Variants in IPP observed in about 807,000 individuals in gnomAD.
IPP encodes the protein actin-binding protein IPP.
IPP carries 41 observed loss-of-function variants against 64.1 expected under a neutral mutation model. That is an observed-to-expected ratio of 0.64 (90% confidence interval 0.50 to 0.83). The LOEUF is 0.83. Ranked by LOEUF, IPP falls within the 40% of genes least tolerant of loss-of-function variation. The probability of loss-of-function intolerance (pLI) is 0.00; values close to 1 mark genes in which losing one functional copy is unlikely to be tolerated. For missense variants in IPP, 649 were observed against 703.0 expected, an observed-to-expected ratio of 0.92 and a Z score of 0.87; for synonymous variants, 214 against 235.2, an observed-to-expected ratio of 0.91 and a Z score of 0.83.
Position 45,741,116 on chromosome 1 carries a change from T to G in IPP, c.509A>C (p.His170Pro). Residue 170 changes from histidine (H) to proline (P), a missense_variant, in exon 3 of 9, where the codon CAT (histidine) becomes CCT (proline). By Grantham distance (77) the His-to-Pro change is moderately conservative (BLOSUM62 -2). Transcript: ENST00000396478. ...AAGTGCCAGGAACTCTTCTCCACTA[T>G]GAACCTCCAAGAAATGGACATGAAT... ...NYIHVHFLEV[H>P]SGEEFLALTK... 1 of 1,614,196 alleles carries G rather than the reference T, an allele frequency of 6.2e-7. No individual in the cohort carries two copies. Among genetic ancestry groups the G allele is most frequent in the South Asian group, 1.1e-5 (1 of 91,088 alleles).
At chr1:45,713,963 T>C (rs1645624638) in intron 8 of IPP, among the ~76,000 whole-genome samples, 1 of 151,848 alleles carries the variant, frequency 6.6e-6, no homozygotes, top group Non-Finnish European at 1.5e-5. Flanking sequence ...CAAGACCCTG[T>C]CTCTTAAAAA....
At chr1:45,747,118 G>A (rs905294564) in intron 1 of IPP, among the ~76,000 whole-genome samples, 4 of 149,864 alleles carry the variant, frequency 2.7e-5, no homozygotes, top group Non-Finnish European at 6.0e-5. Flanking sequence ...GCGCGCACAC[G>A]AGCGCGCGCG....
Position 45,741,132 on chromosome 1 carries a change from G to A in IPP, c.493C>T (p.His165Tyr), listed in dbSNP as rs775758891. The change falls in exon 3 of 9, where the codon CAT becomes TAT. Residue 165 changes from histidine (H) to tyrosine (Y), a missense_variant. Coordinates refer to ENST00000396478, the MANE Select transcript of IPP (RefSeq NM_005897.3). ...TCTCCACTATGAACCTCCAAGAAAT[G>A]GACATGAATGTAGTTTTCTGAGAAT... ...LEFSENYIHV[H>Y]FLEVHSGEEF... 1.9e-6 allele frequency: 3 copies of A among 1,613,942 alleles called. No individual in the cohort carries two copies. In the Admixed American group the frequency reaches 5.0e-5, roughly 27 times the overall value.
chr1:45,696,711 C>G (rs1041041197), downstream of IPP: 3 of 152,210 alleles, frequency 2.0e-5, no homozygotes, highest in Non-Finnish European at 4.4e-5. Flanking sequence ...ACCCGGGCGG[C>G]AAAGGTTGCG....
At chr1:45,735,110 G>A (rs1404562292) in intron 3 of IPP, among the ~76,000 whole-genome samples, 3 of 150,646 alleles carry the variant, frequency 2.0e-5, no homozygotes. Context: ...TTGAGATGGA[G>A]TCTTGCTTTG....
At chr1:45,716,324 A>C (rs1205666288) in intron 7 of IPP, among the ~76,000 whole-genome samples, 2 of 152,198 alleles carry the variant, frequency 1.3e-5, no homozygotes, top group African/African-American at 4.8e-5. Flanking sequence ...CGCTCACTGC[A>C]ACCTCTGCCT....
Position 45,749,552 on chromosome 1 carries a change from G to A in IPP, c.-51+1045C>T, listed in dbSNP as rs1453656892. Among the ~76,000 whole-genome samples the A allele has an allele frequency of 2.3e-5, 3 of 131,922 alleles. 1 individual carries two copies. Among genetic ancestry groups the A allele is most frequent in the South Asian group, 4.8e-4 (2 of 4,192 alleles). 86.5% of individuals were successfully genotyped at this position (131,922 alleles called of 152,430 possible). ...TTTTTTTTTTTTGAGACGGAGTCTCGCTCTGTCGCCCAGGCTGGAGTGCAG... is the reference window on the plus strand; with the variant it reads ...TTTTTTTTTTTTGAGACGGAGTCTCACTCTGTCGCCCAGGCTGGAGTGCAG... On this transcript the variant is annotated intron_variant, in intron 1 of 8. Coordinates refer to ENST00000396478, the MANE Select transcript of IPP (RefSeq NM_005897.3).
chr1:45,729,143 C>CA (rs200570703), intron 4 of IPP, among the ~76,000 whole-genome samples: 35,309 of 112,476 alleles, frequency 0.31, 4,805 homozygotes, highest in South Asian at 0.4. Context: ...AAGACTACCT[C>CA]AAAAAAAAAA....
In IPP at chr1:45,749,525, GT is replaced by G. The variant is rs779346516; in HGVS notation, c.-51+1071del. 3.0e-4 allele frequency among the ~76,000 whole-genome samples: 32 copies of G among 107,078 alleles called. 1 individual carries two copies. Among genetic ancestry groups the G allele is most frequent in the East Asian group, 9.1e-4 (3 of 3,312 alleles). 70.2% of individuals were successfully genotyped at this position (107,078 alleles called of 152,430 possible). A position where few individuals can be genotyped will look rare whatever the true frequency, so the allele number is the denominator to read the frequency against. On this transcript the variant is annotated intron_variant, in intron 1 of 8. Coordinates refer to ENST00000396478, the MANE Select transcript of IPP (RefSeq NM_005897.3). ...TTTTTTTGTTTTGTTTTTGTTTTTT[GT>G]TTTTTTTTTTTTGAGACGGAGTCTC...
chr1:45,722,401 A>G (rs1645745518), intron 5 of IPP, among the ~76,000 whole-genome samples: 1 of 151,218 alleles, frequency 6.6e-6, no homozygotes, highest in East Asian at 2.0e-4. Flanking sequence ...AAATACAAAA[A>G]TTAGCCAGGT....
At chr1:45,746,075 G>A in intron 2 of IPP, 45 bp downstream of exon 2, 11 of 1,491,666 alleles carry the variant, frequency 7.4e-6, no homozygotes, top group Non-Finnish European at 1.0e-5. Context: ...GTGCATGAGT[G>A]ATTGAATCAT....
Position 45,729,692 on chromosome 1 carries a change from CTT to C in IPP, c.800_801del (p.Lys267ArgfsTer6), listed in dbSNP as rs1557753422. The C allele has an allele frequency of 6.2e-7, 1 of 1,612,436 alleles. No homozygotes were observed. The highest frequency in any genetic ancestry group is 1.1e-5 in the South Asian group (1 of 90,922). ...TGCAGAAAACTACAAAACTTGTTCT[CTT>C]TGGGAGATTTGCATACTTCACAGTA... ...KEYCEVCKSP[K>X]ENKFCSFLQT... On this transcript the variant is annotated frameshift_variant, in exon 4 of 9. Transcript: ENST00000396478. LOFTEE classifies it high-confidence loss of function.
Position 45,730,454 on chromosome 1 carries a change from C to A in IPP, c.725-685G>T, listed in dbSNP as rs758881727. 5.1e-4 allele frequency among the ~76,000 whole-genome samples: 78 copies of A among 151,922 alleles called. 1 individual carries two copies. In the Middle Eastern group the frequency reaches 0.034, roughly 67 times the overall value. On this transcript the variant is annotated intron_variant, in intron 3 of 8. Coordinates refer to ENST00000396478, the MANE Select transcript of IPP (RefSeq NM_005897.3). ...TTAAAAATTAAAATAGCCACAAATTCTATACTTACAACGTAACAAAAAAGA... is the reference window on the plus strand; with the variant it reads ...TTAAAAATTAAAATAGCCACAAATTATATACTTACAACGTAACAAAAAAGA...
chr1:45,740,914 TA>T lies in IPP; in HGVS notation c.710del (p.Leu237Ter). The T allele has an allele frequency of 6.3e-7, 1 of 1,590,644 alleles. No individual in the cohort carries two copies. Reference protein sequence around the residue: ...RFPLLPPQRLLKYIEGVSDFN... With the variant: ...RFPLLPPQRLXKYIEGVSDFN... ...CAAAAAAGTTACCTTCTATATACTT[TA>T]AAAGTCTCTGAGGAGGTAATAAAGG... On this transcript the variant is annotated frameshift_variant, in exon 3 of 9. Coordinates refer to ENST00000396478, the MANE Select transcript of IPP (RefSeq NM_005897.3). LOFTEE classifies it high-confidence loss of function.
Position 45,719,223 on chromosome 1 carries a change from T to C in IPP, c.1166A>G (p.Tyr389Cys), listed in dbSNP as rs1645699893. Residue 389 changes from tyrosine (Y) to cysteine (C), a missense_variant, in exon 6 of 9, where the codon TAT becomes TGT. By Grantham distance (194) the Tyr-to-Cys change is radical. Transcript: ENST00000396478. ...ATTACCCAAAGCATAGATAGCCCCA[T>C]AACACACACACACTCCTAAGCCGCA... ...PRCGLGVCVC[Y>C]GAIYALGGWV... is the part of the protein sequence containing the mutation. 1 of 1,613,822 alleles carries C rather than the reference T, an allele frequency of 6.2e-7. No homozygotes were observed. The highest frequency in any genetic ancestry group is 1.1e-5 in the South Asian group (1 of 91,074).
At chr1:45,694,863 T>C (rs1255692136), downstream of IPP, 2 of 179,348 alleles carry the variant, frequency 1.1e-5, no homozygotes, top group East Asian at 3.2e-4. Context: ...CATCTTGATA[T>C]TCTAATGAGC....
At chr1:45,747,623 T>C (rs1646155733) in intron 1 of IPP, among the ~76,000 whole-genome samples, 1 of 151,634 alleles carries the variant, frequency 6.6e-6, no homozygotes, top group Non-Finnish European at 1.5e-5. Flanking sequence ...AATCCAGGAG[T>C]TCGAGACCAA....
intron 8 of IPP, among the ~76,000 whole-genome samples, chr1:45,707,943 C>A (rs980417331): frequency 4.6e-5 from 7 of 151,772 alleles, no homozygotes; most frequent in Admixed American, 4.6e-4. Context: ...ATCTTAAAAG[C>A]TGCGGAAGAA....
chr1:45,711,226 C>T (rs1645586062), intron 8 of IPP, among the ~76,000 whole-genome samples: 1 of 151,152 alleles, frequency 6.6e-6, no homozygotes, highest in Non-Finnish European at 1.5e-5. Context: ...CTTGTAGTCC[C>T]AGCTACTCGG....
Sources: gnomAD v4.1 joint callset for allele counts (sites outside exome capture counted in the v4.1 genomes callset) on GRCh38, gnomAD v4.1.1 for gene constraint, MANE v1.5 for transcripts, NCBI Gene and HGNC (gene_info 2026-07-23, HGNC 2026-07-21) for gene names.